MCMBP: variants seen among roughly 807,000 people sequenced by gnomAD.
The protein encoded by MCMBP is minichromosome maintenance complex binding protein.
Under a neutral mutation model 81.3 loss-of-function variants are expected in MCMBP, and 31 were observed. The observed-to-expected ratio is 0.38, with a 90% CI of 0.29 to 0.51. MCMBP has a LOEUF of 0.51. Among genes scored for constraint, MCMBP ranks in the 20% least tolerant of loss-of-function variants. The probability of loss-of-function intolerance (pLI) is 0.87; values close to 1 mark genes in which losing one functional copy is unlikely to be tolerated. For synonymous variants in MCMBP, 267 were observed against 275.9 expected (o/e 0.97, Z 0.32); for missense variants, 645 against 772.1 (o/e 0.84, Z 1.95).
In MCMBP at chr10:119,838,525, A is replaced by G. The variant is rs373697996; in HGVS notation, c.1408+10T>C. The G allele has an allele frequency of 9.4e-5, 152 of 1,611,786 alleles. No homozygotes were observed. The African/African-American group carries it at 1.6e-3, about 17-fold the overall frequency. ...AGTCAGAAATGGAAGAGAAACATCT[A>G]TGTACGTACCTGGGGTATCCAGCTG... is the stretch of plus-strand genomic sequence containing the variant. On this transcript the variant is annotated intron_variant, in intron 12 of 15. Coordinates refer to ENST00000369077, the MANE Select transcript of MCMBP (RefSeq NM_001256378.2).
In MCMBP at chr10:119,838,627, T is replaced by C. The variant is rs750163013; in HGVS notation, c.1316A>G (p.Asn439Ser). The change falls in exon 12 of 16, where the codon AAT becomes AGT. Residue 439 changes from asparagine to serine, a missense_variant. Transcript: ENST00000369077. ...KFIPHKDYTA[N>S]RLVSGLLQLP... ...CTGGAGGAGCCCACTGACCAAGCGA[T>C]TGGCTGTGTAGTCTTTGTGGGGAAT... 3.1e-6 allele frequency: 5 copies of C among 1,614,040 alleles called. No homozygotes were observed. The highest frequency in any genetic ancestry group is 1.7e-5 in the Admixed American group (1 of 60,008).
Position 119,842,608 on chromosome 10 carries a change from G to C in MCMBP, c.1001-13C>G, listed in dbSNP as rs1852472189. On this transcript the variant is annotated splice_polypyrimidine_tract_variant and intron_variant, in intron 9 of 15. Coordinates refer to ENST00000369077, the MANE Select transcript of MCMBP (RefSeq NM_001256378.2). ...AAACTTGAAACAACTGAAGGAGAAA[G>C]GAAGACCTGAGTCAGGACACACACT... 8.7e-6 allele frequency: 14 copies of C among 1,610,778 alleles called. 1 individual carries two copies. In the African/African-American group the frequency reaches 1.5e-4, roughly 17 times the overall value.
At position 119,872,626 on chromosome 10, in the gene MCMBP, T is replaced by A. The variant is rs1368965085; in HGVS notation, c.-42A>T. On this transcript the variant is annotated 5_prime_UTR_variant, in exon 1 of 16. Coordinates refer to ENST00000369077, the MANE Select transcript of MCMBP (RefSeq NM_001256378.2). ...GCCGGCGAAGACCGGGCGGAGGCGA[T>A]CCGCGGGCCGAGCGCGGCCGGGCGG... is the stretch of plus-strand genomic sequence containing the variant. 25 of 1,126,748 alleles carry A rather than the reference T, an allele frequency of 2.2e-5. No individual in the cohort carries two copies. Among genetic ancestry groups the A allele is most frequent in the Non-Finnish European group, 2.7e-5 (25 of 910,028 alleles). 69.8% of individuals were successfully genotyped at this position (1,126,748 alleles called of 1,614,324 possible). A position where few individuals can be genotyped will look rare whatever the true frequency, so the allele number is the denominator to read the frequency against.
At chr10:119,866,175 G>T (rs763532244) in intron 1 of MCMBP, among the ~76,000 whole-genome samples, 1 of 151,864 alleles carries the variant, frequency 6.6e-6, no homozygotes, top group Middle Eastern at 3.4e-3. Context: ...ATGAAAAGAA[G>T]CCAGACCTCA....
chr10:119,834,669 C>A (rs185771913), intron 14 of MCMBP, among the ~76,000 whole-genome samples: 2 of 151,826 alleles, frequency 1.3e-5, no homozygotes, highest in Non-Finnish European at 2.9e-5. Flanking sequence ...CACAAACACA[C>A]ACACACACCC....
At chr10:119,853,698 C>T (rs1214751294) in intron 5 of MCMBP, among the ~76,000 whole-genome samples, 1 of 152,200 alleles carries the variant, frequency 6.6e-6, no homozygotes, top group Non-Finnish European at 1.5e-5. Flanking sequence ...TGACAAAACA[C>T]TAAATTGTGG....
Position 119,832,115 on chromosome 10 carries a change from TA to T in MCMBP, c.1708-16del. ...TCTTCAACTGCCTTTATCAAAAGAG[TA>T]AATGTAAATGATGTGCATTTTTGTA... On this transcript the variant is annotated splice_polypyrimidine_tract_variant and intron_variant, in intron 14 of 15. Transcript: ENST00000369077. 6.2e-7 allele frequency: 1 copy of T among 1,603,918 alleles called. No individual in the cohort carries two copies. Among genetic ancestry groups the T allele is most frequent in the Non-Finnish European group, 8.5e-7 (1 of 1,175,056 alleles).
chr10:119,854,628 C>A (rs1223192057), intron 5 of MCMBP, among the ~76,000 whole-genome samples: 3 of 151,402 alleles, frequency 2.0e-5, no homozygotes, highest in Non-Finnish European at 1.5e-5. Flanking sequence ...CAGAAACTGA[C>A]AGAATTCGTC....
chr10:119,871,086 A>G (rs1228282666), intron 1 of MCMBP, among the ~76,000 whole-genome samples: 3 of 152,200 alleles, frequency 2.0e-5, no homozygotes. Context: ...TAATAAATAA[A>G]CTTTCTAATA....
chr10:119,843,967 C>A (rs1415172332), intron 8 of MCMBP, among the ~76,000 whole-genome samples: 1 of 152,080 alleles, frequency 6.6e-6, no homozygotes, highest in Non-Finnish European at 1.5e-5. Context: ...TGGCCAGAAA[C>A]AATAATATTT....
chr10:119,833,720 G>A (rs1378273793), intron 14 of MCMBP, among the ~76,000 whole-genome samples: 1 of 152,104 alleles, frequency 6.6e-6, no homozygotes, highest in Non-Finnish European at 1.5e-5. Context: ...AAACCAGAAG[G>A]TATGGCTCAC....
intron 1 of MCMBP, among the ~76,000 whole-genome samples, chr10:119,865,900 A>G (rs1853433882): frequency 6.6e-6 from 1 of 151,922 alleles, no homozygotes; most frequent in Non-Finnish European, 1.5e-5. Context: ...ACATAGTGAG[A>G]CCCCAAATCT....
At position 119,833,171 on chromosome 10, in the gene MCMBP, C is replaced by A. The variant is rs570317608; in HGVS notation, c.1708-1071G>T. Among the ~76,000 whole-genome samples, 8 of 152,300 alleles carry A rather than the reference C, an allele frequency of 5.3e-5. No individual in the cohort carries two copies. In the South Asian group the frequency reaches 1.7e-3, roughly 32 times the overall value. ...TTCTTTCCAATCATTAACCACAAAA[C>A]TAACAGAGCAGAGACTTCAGTGCCC... is the stretch of plus-strand genomic sequence containing the variant. On this transcript the variant is annotated intron_variant, in intron 14 of 15. Transcript: ENST00000369077.
At chr10:119,852,096 G>A (rs1181712605) in intron 6 of MCMBP, among the ~76,000 whole-genome samples, 1 of 134,388 alleles carries the variant, frequency 7.4e-6, no homozygotes, top group Non-Finnish European at 1.5e-5. Flanking sequence ...AGCTTGCAGT[G>A]AGCCAAGATC....
chr10:119,834,153 G>GA (rs1852152515), intron 14 of MCMBP, among the ~76,000 whole-genome samples: 1 of 152,146 alleles, frequency 6.6e-6, no homozygotes, highest in African/African-American at 2.4e-5. Context: ...AGAGCAGAGA[G>GA]AAATGAGGCA....
chr10:119,851,657 C>T (rs573402056), intron 6 of MCMBP, among the ~76,000 whole-genome samples: 127 of 151,942 alleles, frequency 8.4e-4, no homozygotes, highest in Non-Finnish European at 1.6e-3. Flanking sequence ...AGATGATAGA[C>T]CATTAATTTT....
intron 11 of MCMBP, among the ~76,000 whole-genome samples, chr10:119,840,393 C>T (rs980346527): frequency 8.5e-5 from 13 of 152,162 alleles, no homozygotes; most frequent in South Asian, 2.1e-4. Flanking sequence ...CCTACCACCA[C>T]GCAAATACTG....
chr10:119,836,074 T>C (rs1003662555), intron 13 of MCMBP, among the ~76,000 whole-genome samples: 1 of 152,230 alleles, frequency 6.6e-6, no homozygotes, highest in Admixed American at 6.5e-5. Context: ...GCTCACGCAA[T>C]CCACCTGCCT....
At position 119,830,651 on chromosome 10, in the gene MCMBP, C is replaced by G. The variant is rs1451900682; in HGVS notation, c.*823G>C. 1 of 152,512 alleles carries G rather than the reference C, an allele frequency of 6.6e-6. No individual in the cohort carries two copies. Among genetic ancestry groups the G allele is most frequent in the Non-Finnish European group, 1.5e-5 (1 of 68,034 alleles). The allele number at this position is 152,512 out of a possible 1,614,324, so 9.4% of individuals were successfully genotyped here. ...GCACTGGGATAGGAGAAAATAAAGA[C>G]AATGTAGTGTCTTGGTTTCTTTTGC... On this transcript the variant is annotated 3_prime_UTR_variant, in exon 16 of 16. Coordinates refer to ENST00000369077, the MANE Select transcript of MCMBP (RefSeq NM_001256378.2).
Sources: gnomAD v4.1 joint callset for allele counts (sites outside exome capture counted in the v4.1 genomes callset) on GRCh38, gnomAD v4.1.1 for gene constraint, MANE v1.5 for transcripts, NCBI Gene and HGNC (gene_info 2026-07-23, HGNC 2026-07-21) for gene names.